The following VPS13B variants were observed in gnomAD, a reference collection of about 807,000 sequenced individuals.
VPS13B encodes the protein intermembrane lipid transfer protein VPS13B.
VPS13B carries 285 observed loss-of-function variants against 426.4 expected under a neutral mutation model. The observed-to-expected ratio is 0.67, with a 90% confidence interval of 0.61 to 0.74. The LOEUF (loss-of-function observed/expected upper bound fraction) is 0.74. VPS13B is among the 30% of genes least tolerant of loss of function. The probability of loss-of-function intolerance (pLI) is 0.00; values close to 1 mark genes in which losing one functional copy is unlikely to be tolerated. For missense variants in VPS13B, 4,537 were observed against 4,782.6 expected, an observed-to-expected ratio of 0.95 and a Z score of 1.51; for synonymous variants, 1,676 against 1,676.4, an observed-to-expected ratio of 1.00 and a Z score of 0.01.
At chr8:99,017,923 A>C (rs1841703306) in intron 2 of VPS13B, among the ~76,000 whole-genome samples, 1 of 152,236 alleles carries the variant, frequency 6.6e-6, no homozygotes, top group Admixed American at 6.5e-5. Context: ...ATTAACATTG[A>C]GCTGACATAG....
intron 3 of VPS13B, among the ~76,000 whole-genome samples, chr8:99,060,290 G>T (rs990813226): frequency 6.6e-6 from 1 of 152,184 alleles, no homozygotes; most frequent in Middle Eastern, 3.4e-3. Flanking sequence ...GATATAGTGT[G>T]TTATAAATGT....
At chr8:99,682,853 G>A (rs1831211126) in intron 35 of VPS13B, among the ~76,000 whole-genome samples, 1 of 152,172 alleles carries the variant, frequency 6.6e-6, no homozygotes, top group South Asian at 2.1e-4. Flanking sequence ...TACGTCCAGA[G>A]ATGCTGTCCA....
Position 99,721,060 on chromosome 8 carries a change from C to G in VPS13B, c.7050+13C>G, listed in dbSNP as rs1459664124. ...TGATGTGCTACAGGTATGTAATGAC[C>G]ATTCATTGTAAAATGAAAACATTGT... On this transcript the variant is annotated intron_variant, in intron 39 of 61. Transcript: ENST00000357162. 1.2e-6 allele frequency: 2 copies of G among 1,613,196 alleles called. No individual in the cohort carries two copies. The highest frequency in any genetic ancestry group is 4.5e-5 in the East Asian group (2 of 44,846).
At chr8:99,134,435 C>T (rs557917273) in intron 8 of VPS13B, among the ~76,000 whole-genome samples, 197 bp from the exon 9 acceptor site, 2 of 152,068 alleles carry the variant, frequency 1.3e-5, no homozygotes, top group African/African-American at 2.4e-5. Context: ...TCTCTATATA[C>T]GTTGAGACTA....
chr8:99,871,237 C>T (rs1817393169), intron 60 of VPS13B: 1 of 754,598 alleles, frequency 1.3e-6, no homozygotes, highest in African/African-American at 1.7e-5. Context: ...TAAGCAAAAC[C>T]AAGGGAAATC....
At chr8:99,439,290 A>T (rs373029318) in intron 22 of VPS13B, among the ~76,000 whole-genome samples, 2 of 152,178 alleles carry the variant, frequency 1.3e-5, no homozygotes, top group Admixed American at 6.5e-5. Flanking sequence ...CAGAAACTAT[A>T]TAGTGTACAA....
chr8:99,563,529 GAAAA>G (rs907243467), intron 31 of VPS13B, among the ~76,000 whole-genome samples: 1 of 151,664 alleles, frequency 6.6e-6, no homozygotes, highest in Non-Finnish European at 1.5e-5. Context: ...CTTTTTAAAA[GAAAA>G]AAAAGAGAAA....
At chr8:99,794,722 A>G (rs762077222) in intron 43 of VPS13B, among the ~76,000 whole-genome samples, 1 of 152,172 alleles carries the variant, frequency 6.6e-6, no homozygotes, top group Non-Finnish European at 1.5e-5. Flanking sequence ...GTTTCTGCCA[A>G]TATTATTCTT....
intron 33 of VPS13B, among the ~76,000 whole-genome samples, chr8:99,587,788 G>A (rs1826383734): frequency 6.6e-6 from 1 of 151,666 alleles, no homozygotes; most frequent in African/African-American, 2.4e-5. Context: ...TCACTCTGAT[G>A]GTAGTTTCTT....
intron 23 of VPS13B, among the ~76,000 whole-genome samples, chr8:99,453,953 A>C (rs1333225752): frequency 6.6e-6 from 1 of 152,122 alleles, no homozygotes; most frequent in Non-Finnish European, 1.5e-5. Flanking sequence ...ATATAATGAC[A>C]TGTATCTGTC....
chr8:99,619,250 G>A (rs1284372825), intron 33 of VPS13B, among the ~76,000 whole-genome samples: 1 of 152,158 alleles, frequency 6.6e-6, no homozygotes, highest in East Asian at 1.9e-4. Context: ...AGGAAAGGAA[G>A]ATCACCCTTA....
chr8:99,304,579 G>T (rs1347813259), intron 19 of VPS13B, among the ~76,000 whole-genome samples: 1 of 151,990 alleles, frequency 6.6e-6, no homozygotes, highest in Non-Finnish European at 1.5e-5. Context: ...ATGAATTTTT[G>T]ATTATCTGTG....
At chr8:99,531,777 A>C (rs1822950094) in intron 30 of VPS13B, among the ~76,000 whole-genome samples, 1 of 152,062 alleles carries the variant, frequency 6.6e-6, no homozygotes, top group South Asian at 2.1e-4. Context: ...CAAGCTACAT[A>C]TCTGAATATA....
At chr8:99,430,254 G>T (rs2133407883) in intron 21 of VPS13B, among the ~76,000 whole-genome samples, 1 of 152,212 alleles carries the variant, frequency 6.6e-6, no homozygotes, top group Non-Finnish European at 1.5e-5. Flanking sequence ...ACCAAGTTAG[G>T]GGGAGAGGGG....
At chr8:99,051,191 TG>T (rs1291399735) in intron 3 of VPS13B, among the ~76,000 whole-genome samples, 1 of 152,198 alleles carries the variant, frequency 6.6e-6, no homozygotes, top group East Asian at 1.9e-4. Context: ...TTAATCATCT[TG>T]AATTAATTTT....
At chr8:99,436,429 A>G (rs1431638826) in intron 22 of VPS13B, among the ~76,000 whole-genome samples, 1 of 152,156 alleles carries the variant, frequency 6.6e-6, no homozygotes, top group African/African-American at 2.4e-5. Flanking sequence ...TACATATAAC[A>G]TAAAATTTAC....
chr8:99,821,103 A>AACACACACACACACACAC (rs755074579), intron 49 of VPS13B, among the ~76,000 whole-genome samples, 191 bp from the exon 50 acceptor site: 6 of 78,358 alleles, frequency 7.7e-5, no homozygotes, highest in East Asian at 3.8e-4. Context: ...GTCATTACAA[A>AACACACACACACACACAC]ACACACACAC....
chr8:99,398,901 A>C (rs1255987461), intron 21 of VPS13B, among the ~76,000 whole-genome samples: 1 of 151,664 alleles, frequency 6.6e-6, no homozygotes, highest in East Asian at 1.9e-4. Context: ...TTTTTCTCAT[A>C]CAGGGAACCA....
At chr8:99,767,178 G>T (rs1472155073) in intron 40 of VPS13B, among the ~76,000 whole-genome samples, 2 of 151,866 alleles carry the variant, frequency 1.3e-5, no homozygotes, top group Non-Finnish European at 2.9e-5. Flanking sequence ...TCATAATACA[G>T]CTCTGTGAGC....
Sources: gnomAD v4.1 joint callset for allele counts (sites outside exome capture counted in the v4.1 genomes callset) on GRCh38, gnomAD v4.1.1 for gene constraint, MANE v1.5 for transcripts, NCBI Gene and HGNC (gene_info 2026-07-23, HGNC 2026-07-21) for gene names.